The following CDK8 variants were observed in gnomAD, a reference collection of about 807,000 sequenced individuals.
The protein encoded by CDK8 is cyclin dependent kinase 8.
Under a neutral mutation model 71.5 loss-of-function variants are expected in CDK8, and 29 were observed. That is an observed-to-expected ratio of 0.41 (90% confidence interval 0.30 to 0.55). The LOEUF is 0.55. Among genes scored for constraint, CDK8 ranks in the 20% least tolerant of loss-of-function variants. The pLI is 0.37. For missense variants in CDK8, 288 were observed against 572.6 expected (o/e 0.50, Z 5.07); for synonymous variants, 161 against 192.1 (o/e 0.84, Z 1.34).
intron 4 of CDK8, among the ~76,000 whole-genome samples, chr13:26,364,900 A>G (rs995214364): frequency 6.6e-6 from 1 of 152,186 alleles, no homozygotes; most frequent in African/African-American, 2.4e-5. Context: ...AACAGTGGGA[A>G]AGAGAGGAGT....
At chr13:26,289,037 A>C in intron 1 of CDK8, among the ~76,000 whole-genome samples, 1 of 137,446 alleles carries the variant, frequency 7.3e-6, no homozygotes, top group African/African-American at 2.8e-5. Flanking sequence ...CTGCATCCAG[A>C]CTAAGCTTCT....
intron 4 of CDK8, among the ~76,000 whole-genome samples, chr13:26,374,665 TA>T (rs1039626083): frequency 4.6e-5 from 7 of 152,026 alleles, no homozygotes; most frequent in Admixed American, 2.6e-4. Context: ...GTCTTGTCAA[TA>T]AAACAAAACT....
chr13:26,353,500 CTGATTCCCTATTG>C (rs1372510925), intron 3 of CDK8, among the ~76,000 whole-genome samples: 1 of 151,394 alleles, frequency 6.6e-6, no homozygotes, highest in Non-Finnish European at 1.5e-5. Flanking sequence ...ACAATATTTT[CTGATTCCCTATTG>C]TGATAATTTA....
rs1177422746 is a variant in CDK8 at position 26,401,138 on chromosome 13, T to A, written c.1032-131T>A. 1 of 696,000 alleles carries A rather than the reference T, an allele frequency of 1.4e-6. No individual in the cohort carries two copies. Among genetic ancestry groups the A allele is most frequent in the Non-Finnish European group, 2.4e-6 (1 of 409,494 alleles). 43.1% of individuals were successfully genotyped at this position (696,000 alleles called of 1,614,324 possible). On this transcript the variant is annotated intron_variant, in intron 10 of 12. Transcript: ENST00000381527. The surrounding 1 kb of genome is among the most constrained non-coding windows in gnomAD (Gnocchi z 4.5). Reference sequence around the variant, plus strand: ...AAAGATTCGTTTTGTCACAGTTACATGAAAGGTGCTTATATTTGCAAATAT... The same window carrying A: ...AAAGATTCGTTTTGTCACAGTTACAAGAAAGGTGCTTATATTTGCAAATAT...
At chr13:26,378,860 A>G (rs1280085176) in intron 4 of CDK8, among the ~76,000 whole-genome samples, 1 of 152,252 alleles carries the variant, frequency 6.6e-6, no homozygotes, top group Non-Finnish European at 1.5e-5. Context: ...GGAAAGAAGT[A>G]TATATCAAGA....
intron 6 of CDK8, among the ~76,000 whole-genome samples, chr13:26,390,515 G>GT (rs1875698153): frequency 6.6e-6 from 1 of 152,034 alleles, no homozygotes; most frequent in South Asian, 2.1e-4. Context: ...TGAGTGTTTT[G>GT]TTTTTTATTT....
intron 1 of CDK8, among the ~76,000 whole-genome samples, chr13:26,268,384 T>C (rs1471058706): frequency 6.6e-6 from 1 of 152,014 alleles, no homozygotes; most frequent in East Asian, 1.9e-4. Flanking sequence ...AGTGCAGTCA[T>C]GGCTCACTGC....
At chr13:26,332,827 G>C (rs9581640) in intron 1 of CDK8, among the ~76,000 whole-genome samples, 6,573 of 152,108 alleles carry the variant, frequency 0.043, 452 homozygotes, top group African/African-American at 0.15. Context: ...CTTTCTGAAG[G>C]CTTGTCTTAT....
At chr13:26,376,135 A>G (rs991280196) in intron 4 of CDK8, among the ~76,000 whole-genome samples, 2 of 152,190 alleles carry the variant, frequency 1.3e-5, no homozygotes, top group South Asian at 2.1e-4. Flanking sequence ...CACCAAATCT[A>G]TAAATTAACA....
In CDK8 at chr13:26,404,697, C is replaced by T. The variant is rs923871541; in HGVS notation, c.*616C>T. ...GTTTTTCCAGAAAGGTTTCAAAACT[C>T]CCAAAGATTAACTTCCAACTTATAA... On this transcript the variant is annotated 3_prime_UTR_variant, in exon 13 of 13. Transcript: ENST00000381527. 1 of 228,492 alleles carries T rather than the reference C, an allele frequency of 4.4e-6. No individual in the cohort carries two copies. 14.2% of individuals were successfully genotyped at this position (228,492 alleles called of 1,614,324 possible).
intron 4 of CDK8, among the ~76,000 whole-genome samples, chr13:26,380,261 C>A (rs1444355416): frequency 6.6e-6 from 1 of 151,970 alleles, no homozygotes; most frequent in Non-Finnish European, 1.5e-5. Context: ...GTCACTGCAA[C>A]CTCCGCCTCC....
In CDK8 at chr13:26,334,590, A is replaced by T. The variant is rs144522604; in HGVS notation, c.129-2977A>T. ...TGTAAAACTGATTGTTACAAAACAA[A>T]TTTTTTTCCAGAAAAATAATGTTGT... On this transcript the variant is annotated intron_variant, in intron 1 of 12. Transcript: ENST00000381527. Among the ~76,000 whole-genome samples, 379 of 152,236 alleles carry T rather than the reference A, an allele frequency of 2.5e-3. 13 individuals are homozygous for T. Among genetic ancestry groups the T allele is most frequent in the Admixed American group, 0.022 (332 of 15,284 alleles).
At position 26,262,328 on chromosome 13, in the gene CDK8, T is replaced by C. The variant is rs185928040; in HGVS notation, c.128+7559T>C. ...TTATAGATTTCCTTTAGGGCAATGA[T>C]TGTGTTCTCCCCAGCTCTTGGCATA... On this transcript the variant is annotated intron_variant, in intron 1 of 12. Transcript: ENST00000381527. Among the ~76,000 whole-genome samples the C allele has an allele frequency of 1.1e-4, 17 of 152,360 alleles. No homozygotes were observed. In the East Asian group the frequency reaches 3.1e-3, roughly 28 times the overall value.
chr13:26,344,042 AC>A (rs1028991152), intron 2 of CDK8, among the ~76,000 whole-genome samples: 7 of 151,618 alleles, frequency 4.6e-5, no homozygotes, highest in African/African-American at 1.7e-4. Context: ...CCTTCCCCCA[AC>A]CTCACCCTCC....
intron 4 of CDK8, among the ~76,000 whole-genome samples, chr13:26,364,224 G>A (rs572016482): frequency 8.5e-5 from 13 of 152,176 alleles, no homozygotes; most frequent in African/African-American, 2.9e-4. Flanking sequence ...GAAAACACAC[G>A]ACACAATCAG....
chr13:26,367,710 A>G (rs1168198609), intron 4 of CDK8, among the ~76,000 whole-genome samples: 2 of 152,224 alleles, frequency 1.3e-5, no homozygotes, highest in East Asian at 3.9e-4. Flanking sequence ...CCAGAATGTT[A>G]CACGGTGCAT....
At chr13:26,256,933 A>G (rs1871551027) in intron 1 of CDK8, among the ~76,000 whole-genome samples, 1 of 150,326 alleles carries the variant, frequency 6.7e-6, no homozygotes, top group Admixed American at 6.6e-5. Context: ...AATTACAGGG[A>G]TTTTTTTCGG....
At chr13:26,312,784 A>G (rs891193551) in intron 1 of CDK8, among the ~76,000 whole-genome samples, 11 of 152,044 alleles carry the variant, frequency 7.2e-5, no homozygotes, top group Non-Finnish European at 1.2e-4. Flanking sequence ...TTCTGTGCCT[A>G]TCTCGTTTTG....
chr13:26,254,740 T>C lies in CDK8; in HGVS notation c.99T>C (p.Gly33=). The change falls in exon 1 of 13, where the codon GGT becomes GGC. Residue 33 remains glycine (G), a synonymous_variant. Transcript: ENST00000381527. This position sits in a 1 kb window ranked among gnomAD's most constrained non-coding sequence, Gnocchi z 6.7. ...GCAAAGTTGGCCGAGGCACTTATGG[T>C]CACGTCTACAAAGCCAAGAGGAAAG... is the stretch of plus-strand genomic sequence containing the variant. ...EGCKVGRGTY[G]HVYKAKRKDG... 6 of 1,612,562 alleles carry C rather than the reference T, an allele frequency of 3.7e-6. No homozygotes were observed. The highest frequency in any genetic ancestry group is 5.1e-6 in the Non-Finnish European group (6 of 1,179,362).
Sources: gnomAD v4.1 joint callset for allele counts (sites outside exome capture counted in the v4.1 genomes callset) on GRCh38, gnomAD v4.1.1 for gene constraint, Gnocchi (gnomAD v3.1) non-coding constraint, MANE v1.5 for transcripts, NCBI Gene and HGNC (gene_info 2026-07-23, HGNC 2026-07-21) for gene names.